The following ELAVL2 variants were observed in gnomAD, a reference collection of about 807,000 sequenced individuals.
ELAVL2 encodes the protein ELAV-like protein 2.
A neutral mutation model predicts 34.6 loss-of-function variants in ELAVL2; 4 were observed. The ratio of observed to expected loss-of-function variants is 0.12; its 90% CI spans 0.06 to 0.26. The LOEUF is 0.26. Among genes scored for constraint, ELAVL2 ranks in the 10% least tolerant of loss-of-function variants. ELAVL2 has a pLI of 1.00. For missense variants in ELAVL2, 432 were observed against 442.8 expected (o/e 0.98, Z 0.22); for synonymous variants, 193 against 154.8 (o/e 1.25, Z -1.83).
At chr9:23,726,680 G>C (rs1454254902) in intron 3 of ELAVL2, among the ~76,000 whole-genome samples, 1 of 152,050 alleles carries the variant, frequency 6.6e-6, no homozygotes, top group Non-Finnish European at 1.5e-5. Context: ...TTTATGCAGA[G>C]GAGGGAGGAA....
chr9:23,701,608 T>G lies in ELAVL2; in HGVS notation c.488-4A>C. On this transcript the variant is annotated splice_polypyrimidine_tract_variant and splice_region_variant and intron_variant, in intron 4 of 6. Transcript: ENST00000397312. Reference sequence around the variant, plus strand: ...AACCCTACACCCCTTGATATGCCTATGGTAGATTTGAGTAAAGATTTGGAA... The same window carrying G: ...AACCCTACACCCCTTGATATGCCTAGGGTAGATTTGAGTAAAGATTTGGAA... The G allele has an allele frequency of 6.2e-7, 1 of 1,612,292 alleles. No homozygotes were observed. The highest frequency in any genetic ancestry group is 8.5e-7 in the Non-Finnish European group (1 of 1,178,596).
the ELAVL2 span, among the ~76,000 whole-genome samples, chr9:23,836,097 A>G: frequency 6.6e-6 from 1 of 152,212 alleles, no homozygotes; most frequent in Non-Finnish European, 1.5e-5. Context: ...ATGTGATTAA[A>G]TACAAAATCC....
intron 3 of ELAVL2, among the ~76,000 whole-genome samples, chr9:23,710,293 T>C (rs970703896): frequency 4.6e-5 from 7 of 152,198 alleles, no homozygotes; most frequent in African/African-American, 9.6e-5. Context: ...ATCAAAATTA[T>C]ACAAAGAAAC....
In ELAVL2 at chr9:23,742,374, T is replaced by C. The variant is rs1347800993; in HGVS notation, c.230-11249A>G. On this transcript the variant is annotated intron_variant, in intron 2 of 6. Transcript: ENST00000397312. ...CTACTGCAAGTGTTAACAAACCTTA[T>C]TTTTAACTGAGTAGCAACTGCAAAA... 3.3e-5 allele frequency among the ~76,000 whole-genome samples: 5 copies of C among 152,356 alleles called. No homozygotes were observed. In the South Asian group the frequency reaches 6.2e-4, roughly 19 times the overall value.
At chr9:23,734,282 G>T (rs972318404) in intron 2 of ELAVL2, among the ~76,000 whole-genome samples, 1 of 152,156 alleles carries the variant, frequency 6.6e-6, no homozygotes, top group African/African-American at 2.4e-5. Context: ...TACCAAGATA[G>T]GCAAGCCTCC....
upstream of ELAVL2, among the ~76,000 whole-genome samples, chr9:23,826,510 G>C (rs548333744): frequency 6.6e-6 from 1 of 152,218 alleles, no homozygotes; most frequent in Admixed American, 6.5e-5. Context: ...ATGGAGTCCC[G>C]TTTCAAGGTA....
At chr9:23,703,241 A>C (rs2038087945) in intron 4 of ELAVL2, among the ~76,000 whole-genome samples, 1 of 152,268 alleles carries the variant, frequency 6.6e-6, no homozygotes, top group Non-Finnish European at 1.5e-5. Context: ...GTCATAGGTG[A>C]AACCTACTCT....
At chr9:23,727,761 A>C (rs918293388) in intron 3 of ELAVL2, among the ~76,000 whole-genome samples, 7 of 151,992 alleles carry the variant, frequency 4.6e-5, no homozygotes, top group Non-Finnish European at 8.8e-5. Flanking sequence ...GAGGGACTTC[A>C]CTTCACTCAC....
chr9:23,835,752 T>G, the ELAVL2 span, among the ~76,000 whole-genome samples: 4 of 152,154 alleles, frequency 2.6e-5, no homozygotes, highest in African/African-American at 9.7e-5. Flanking sequence ...CTGTGGTCTT[T>G]CAGTGAGTAA....
chr9:23,813,352 G>A (rs1004093116), intron 1 of ELAVL2, among the ~76,000 whole-genome samples: 1 of 151,736 alleles, frequency 6.6e-6, no homozygotes, highest in Non-Finnish European at 1.5e-5. Flanking sequence ...AAAAAATAAA[G>A]GGGAAAGGGA....
chr9:23,768,128 T>G (rs934325337), intron 1 of ELAVL2, among the ~76,000 whole-genome samples: 1 of 152,192 alleles, frequency 6.6e-6, no homozygotes, highest in Admixed American at 6.5e-5. Context: ...CACAGCTCCC[T>G]GCTGCCTATC....
chr9:23,723,159 T>C (rs1023682181), intron 3 of ELAVL2, among the ~76,000 whole-genome samples: 13 of 151,846 alleles, frequency 8.6e-5, no homozygotes, highest in African/African-American at 3.2e-4. Context: ...TAGCAAAGAC[T>C]TGGAACCAAC....
At chr9:23,715,358 C>A (rs1463113389) in intron 3 of ELAVL2, among the ~76,000 whole-genome samples, 3 of 152,120 alleles carry the variant, frequency 2.0e-5, no homozygotes, top group Non-Finnish European at 2.9e-5. Context: ...CAGTGTTAGC[C>A]AGAATGGTCT....
rs137902669 is a variant in ELAVL2, at chr9:23,754,622, T to C, written c.229+7384A>G. On this transcript the variant is annotated intron_variant, in intron 2 of 6. Transcript: ENST00000397312. ...TACAGGCGTGCAGCACCACCACACCTGGCTAATTTTTCTATTTTCAGTACA... is the reference window on the plus strand; with the variant it reads ...TACAGGCGTGCAGCACCACCACACCCGGCTAATTTTTCTATTTTCAGTACA... Among the ~76,000 whole-genome samples the C allele has an allele frequency of 2.6e-3, 393 of 152,138 alleles. 1 individual carries two copies. Among genetic ancestry groups the C allele is most frequent in the African/African-American group, 8.2e-3 (339 of 41,536 alleles).
intron 3 of ELAVL2, among the ~76,000 whole-genome samples, chr9:23,720,340 A>G (rs1213103454): frequency 2.0e-5 from 3 of 151,522 alleles, no homozygotes; most frequent in Non-Finnish European, 4.4e-5. Context: ...TGTTCGGCTA[A>G]TTTTTGTACT....
intron 3 of ELAVL2, among the ~76,000 whole-genome samples, chr9:23,708,572 T>G (rs2040047938): frequency 6.6e-6 from 1 of 152,228 alleles, no homozygotes; most frequent in Admixed American, 6.5e-5. Flanking sequence ...TGGCTGTTTC[T>G]TAAAGGCATA....
intron 4 of ELAVL2, among the ~76,000 whole-genome samples, chr9:23,703,136 T>G (rs1163693935): frequency 6.6e-6 from 1 of 152,094 alleles, no homozygotes; most frequent in Admixed American, 6.6e-5. Flanking sequence ...AGACTGCTGA[T>G]ACTGCAGGTG....
chr9:23,794,372 T>G (rs1368574450), intron 1 of ELAVL2, among the ~76,000 whole-genome samples: 1 of 152,314 alleles, frequency 6.6e-6, no homozygotes. Flanking sequence ...AACCACCCAC[T>G]TTCTACAACA....
intron 1 of ELAVL2, among the ~76,000 whole-genome samples, chr9:23,810,371 A>G (rs1233586418): frequency 6.6e-6 from 1 of 152,102 alleles, no homozygotes; most frequent in East Asian, 1.9e-4. Context: ...GCATACTGCT[A>G]GGAGTGCTAC....
Sources: allele counts gnomAD v4.1 joint callset (sites outside exome capture counted in the v4.1 genomes callset), GRCh38; gene constraint gnomAD v4.1.1; transcripts MANE v1.5; gene names NCBI Gene and HGNC (gene_info 2026-07-23, HGNC 2026-07-21).